Variants in RNLS observed in about 807,000 individuals in gnomAD.
The protein encoded by RNLS is renalase, FAD dependent amine oxidase.
In RNLS, 39 loss-of-function variants were observed where a neutral mutation model predicts 39.8. That is an observed-to-expected ratio of 0.98 (90% CI 0.76 to 1.28). The LOEUF (loss-of-function observed/expected upper bound fraction) is 1.28. RNLS is among the 50% of genes most tolerant of loss of function. The pLI is 0.00. For missense variants in RNLS, 410 were observed against 413.3 expected (o/e 0.99, Z 0.07); for synonymous variants, 147 against 150.7 (o/e 0.98, Z 0.18).
intron 5 of RNLS, among the ~76,000 whole-genome samples, chr10:88,347,239 T>A (rs1848369789): frequency 6.6e-6 from 1 of 152,124 alleles, no homozygotes; most frequent in Non-Finnish European, 1.5e-5. Flanking sequence ...TCACATTATT[T>A]TGAGCCCTGG....
At chr10:88,441,058 A>G (rs1841681998) in intron 4 of RNLS, among the ~76,000 whole-genome samples, 1 of 152,228 alleles carries the variant, frequency 6.6e-6, no homozygotes, top group African/African-American at 2.4e-5. Flanking sequence ...TTCCTTTTTT[A>G]AAAACTCATG....
chr10:88,458,466 G>T (rs1291873539), intron 4 of RNLS, among the ~76,000 whole-genome samples: 1 of 152,090 alleles, frequency 6.6e-6, no homozygotes, highest in Non-Finnish European at 1.5e-5. Context: ...TCTCTCTGAA[G>T]AATTCATCCT....
chr10:88,382,616 C>G (rs1589700068), intron 4 of RNLS, among the ~76,000 whole-genome samples: 1 of 152,062 alleles, frequency 6.6e-6, no homozygotes, highest in Admixed American at 6.5e-5. Context: ...CTGTTTAAGA[C>G]TATTAGCTTT....
chr10:88,318,936 A>G (rs950339483), intron 5 of RNLS, among the ~76,000 whole-genome samples: 1 of 152,144 alleles, frequency 6.6e-6, no homozygotes, highest in African/African-American at 2.4e-5. Flanking sequence ...CTCATCATCA[A>G]TCTACCTGTG....
intron 5 of RNLS, among the ~76,000 whole-genome samples, chr10:88,327,469 C>T (rs2133135890): frequency 6.6e-6 from 1 of 152,276 alleles, no homozygotes; most frequent in Middle Eastern, 3.4e-3. Flanking sequence ...TCTCCTGCTG[C>T]CACATGAGAA....
chr10:88,360,346 T>G (rs1175452643), intron 5 of RNLS, among the ~76,000 whole-genome samples: 1 of 152,148 alleles, frequency 6.6e-6, no homozygotes, highest in African/African-American at 2.4e-5. Context: ...GGTTTTGGAG[T>G]ACTCAAGTAA....
the RNLS span, among the ~76,000 whole-genome samples, chr10:88,199,858 G>A: frequency 1.3e-5 from 2 of 152,312 alleles, no homozygotes; most frequent in African/African-American, 4.8e-5. Flanking sequence ...CTGACGAGTG[G>A]TGGCTCATGC....
chr10:88,370,916 G>C (rs574441468), intron 4 of RNLS, among the ~76,000 whole-genome samples: 26 of 152,192 alleles, frequency 1.7e-4, no homozygotes, highest in African/African-American at 5.8e-4. Context: ...AGTCATTAGG[G>C]CTAGAAGCAC....
chr10:88,423,666 G>T (rs1009106967), intron 4 of RNLS, among the ~76,000 whole-genome samples: 1 of 152,176 alleles, frequency 6.6e-6, no homozygotes, highest in South Asian at 2.1e-4. Flanking sequence ...TTTATAAAAA[G>T]CTGACTATAT....
intron 4 of RNLS, among the ~76,000 whole-genome samples, chr10:88,380,181 T>G (rs1443442702): frequency 6.6e-6 from 1 of 152,168 alleles, no homozygotes; most frequent in East Asian, 1.9e-4. Context: ...GTACTGTCTA[T>G]TCACAAATTT....
At chr10:88,420,502 T>C (rs978269728) in intron 4 of RNLS, among the ~76,000 whole-genome samples, 3 of 152,230 alleles carry the variant, frequency 2.0e-5, no homozygotes, top group African/African-American at 4.8e-5. Context: ...ATCTGTTCCA[T>C]AGCTCTTCTA....
chr10:88,223,809 T>A, the RNLS span, among the ~76,000 whole-genome samples: 1 of 152,174 alleles, frequency 6.6e-6, no homozygotes, highest in Admixed American at 6.5e-5. Flanking sequence ...TAGGTTATCA[T>A]GTTTGCACAC....
chr10:88,372,558 G>A (rs542101743), intron 4 of RNLS, among the ~76,000 whole-genome samples: 45 of 152,152 alleles, frequency 3.0e-4, no homozygotes, highest in African/African-American at 9.2e-4. Context: ...ATAGCAACAC[G>A]TTCTAAGCAT....
intron 6 of RNLS, among the ~76,000 whole-genome samples, chr10:88,294,310 AT>A (rs1423913203): frequency 1.3e-5 from 2 of 152,218 alleles, no homozygotes; most frequent in Middle Eastern, 3.2e-3. Context: ...ACCTATTTGC[AT>A]ATAGGAAACT....
chr10:88,307,579 T>C (rs145015714), intron 6 of RNLS, among the ~76,000 whole-genome samples: 40 of 152,188 alleles, frequency 2.6e-4, no homozygotes, highest in African/African-American at 8.2e-4. Flanking sequence ...CCATTCACAA[T>C]TGCCACAAAA....
At chr10:88,261,784 A>T in the RNLS span, among the ~76,000 whole-genome samples, 2 of 152,250 alleles carry the variant, frequency 1.3e-5, no homozygotes, top group African/African-American at 2.4e-5. Context: ...AGTGACCATG[A>T]CTTTCAGCAG....
intron 4 of RNLS, among the ~76,000 whole-genome samples, chr10:88,468,006 C>A (rs1843309077): frequency 6.6e-6 from 1 of 152,144 alleles, no homozygotes; most frequent in African/African-American, 2.4e-5. Context: ...TTCCAAAATA[C>A]CCACTGAAAA....
intron 4 of RNLS, among the ~76,000 whole-genome samples, chr10:88,430,847 G>A (rs946405576): frequency 7.3e-5 from 11 of 151,586 alleles, no homozygotes; most frequent in South Asian, 2.1e-4. Flanking sequence ...CCATTTTGTC[G>A]TGGTCTTTTG....
intron 5 of RNLS, among the ~76,000 whole-genome samples, chr10:88,361,950 T>C (rs1023032477): frequency 6.6e-6 from 1 of 152,204 alleles, no homozygotes. Context: ...AATTCAAATC[T>C]AATTTTTATA....
Sources: gnomAD v4.1 joint callset for allele counts (sites outside exome capture counted in the v4.1 genomes callset) on GRCh38, gnomAD v4.1.1 for gene constraint, MANE v1.5 for transcripts, NCBI Gene and HGNC (gene_info 2026-07-23, HGNC 2026-07-21) for gene names.